The following CACNA1E variants were observed in gnomAD, a reference collection of about 807,000 sequenced individuals.
CACNA1E encodes voltage-dependent R-type calcium channel subunit alpha-1E.
In CACNA1E, 40 loss-of-function variants were observed where a neutral mutation model predicts 259.2. The observed-to-expected ratio is 0.15, with a 90% CI of 0.12 to 0.20. CACNA1E has a LOEUF of 0.20. Among genes scored for constraint, CACNA1E ranks in the 10% least tolerant of loss-of-function variants. The pLI is 1.00. For missense variants in CACNA1E, 1,874 were observed against 3,040.1 expected (o/e 0.62, Z 9.02); for synonymous variants, 1,104 against 1,138.5 (o/e 0.97, Z 0.61).
chr1:181,603,887 G>T (rs1382805628), intron 6 of CACNA1E, among the ~76,000 whole-genome samples: 1 of 152,196 alleles, frequency 6.6e-6, no homozygotes, highest in African/African-American at 2.4e-5. Flanking sequence ...GGTGTTGGGG[G>T]ATGGGGAGGC....
chr1:181,665,111 A>T (rs1648086064), intron 7 of CACNA1E, among the ~76,000 whole-genome samples: 1 of 152,060 alleles, frequency 6.6e-6, no homozygotes, highest in South Asian at 2.1e-4. Context: ...AACTTAGTAT[A>T]GGTAAATCTT....
At position 181,438,214 on chromosome 1, in the gene CACNA1E, G is replaced by A. The variant is rs146684762; in HGVS notation, c.434+24634G>A. Among the ~76,000 whole-genome samples the A allele has an allele frequency of 7.9e-5, 12 of 152,244 alleles. No individual in the cohort carries two copies. The South Asian group carries it at 1.9e-3, about 24-fold the overall frequency. ...ATATGTCTCAGAACATGATATGCAC[G>A]GCCACTTCCACCCACTGCTTTCACT... On this transcript the variant is annotated intron_variant, in intron 2 of 11. Coordinates refer to the CACNA1E transcript ENST00000524607.
intron 1 of CACNA1E, among the ~76,000 whole-genome samples, chr1:181,342,664 A>AGGGATGCATGGTTGGG (rs1652256649): frequency 1.3e-5 from 2 of 151,912 alleles, no homozygotes; most frequent in South Asian, 2.1e-4. Flanking sequence ...GCATGTTTGG[A>AGGGATGCATGGTTGGG]TGCTTTTAGG....
rs181221607 is a variant in CACNA1E, at chr1:181,614,190, C to T, written c.951+33414C>T. Among the ~76,000 whole-genome samples, 14 of 148,660 alleles carry T rather than the reference C, an allele frequency of 9.4e-5. No homozygotes were observed. The East Asian group carries it at 2.1e-3, about 23-fold the overall frequency. On this transcript the variant is annotated intron_variant, in intron 6 of 47. Transcript: ENST00000367573. ...GCTGACGTAGCTGCTACAACTACTT[C>T]GCAATTTTCTTTTCTTTTCTTTTTT...
intron 7 of CACNA1E, among the ~76,000 whole-genome samples, chr1:181,702,351 C>G (rs1652352831): frequency 1.3e-5 from 2 of 152,142 alleles, no homozygotes; most frequent in Non-Finnish European, 2.9e-5. Flanking sequence ...TACTTTACCA[C>G]TCTCGCCAAG....
intron 1 of CACNA1E, among the ~76,000 whole-genome samples, chr1:181,359,602 A>G (rs1252304224): frequency 6.6e-6 from 1 of 151,880 alleles, no homozygotes; most frequent in Non-Finnish European, 1.5e-5. Context: ...TAGTTCCGAT[A>G]CTCTATGGCT....
chr1:181,612,216 C>G (rs1421325323), intron 6 of CACNA1E, among the ~76,000 whole-genome samples: 1 of 152,212 alleles, frequency 6.6e-6, no homozygotes, highest in Non-Finnish European at 1.5e-5. Context: ...CGTCCAAGGG[C>G]TGGACTTTCA....
chr1:181,335,122 T>C (rs35947695), intron 1 of CACNA1E, among the ~76,000 whole-genome samples: 15,862 of 152,276 alleles, frequency 0.1, 1,112 homozygotes, highest in Middle Eastern at 0.19. Context: ...AATGTCACTG[T>C]ATCAGTGAGG....
intron 1 of CACNA1E, among the ~76,000 whole-genome samples, chr1:181,369,235 C>G (rs1057152318): frequency 6.6e-6 from 1 of 152,220 alleles, no homozygotes. Context: ...CTAATTGAAG[C>G]CTTGCTTTGT....
intron 43 of CACNA1E, among the ~76,000 whole-genome samples, chr1:181,787,312 G>A (rs551974565): frequency 3.5e-4 from 53 of 152,122 alleles, no homozygotes; most frequent in Middle Eastern, 6.8e-3. Context: ...GGGTTTCACC[G>A]TGTTAGCCAG....
intron 7 of CACNA1E, among the ~76,000 whole-genome samples, chr1:181,696,536 C>T (rs1448671150): frequency 6.6e-6 from 1 of 152,076 alleles, no homozygotes; most frequent in Non-Finnish European, 1.5e-5. Flanking sequence ...ACTAGTTTCC[C>T]AGGGAGGAGT....
chr1:181,493,670 C>G (rs1165771984), intron 1 of CACNA1E, among the ~76,000 whole-genome samples: 2 of 152,056 alleles, frequency 1.3e-5, no homozygotes, highest in Non-Finnish European at 2.9e-5. Context: ...CACATGTGGC[C>G]CTTAAGGACT....
rs984889564 is a variant in CACNA1E at position 181,802,208 on chromosome 1, G to C, written c.*3374G>C. ...ATGAGTCATGAACACAATTGTCAGT[G>C]GGGGTCTCTGCTGCTCTTCTGGCTG... On this transcript the variant is annotated 3_prime_UTR_variant, in exon 48 of 48. Coordinates refer to ENST00000367573, the MANE Select transcript of CACNA1E (RefSeq NM_001205293.3). The C allele has an allele frequency of 2.6e-5, 4 of 152,244 alleles. No homozygotes were observed. The highest frequency in any genetic ancestry group is 6.5e-5 in the Admixed American group (1 of 15,292). 9.4% of individuals were successfully genotyped at this position (152,244 alleles called of 1,614,324 possible).
rs1658664642 is a variant in CACNA1E at position 181,762,442 on chromosome 1, A to G, written c.4606-132A>G. On this transcript the variant is annotated intron_variant, in intron 32 of 47. Coordinates refer to ENST00000367573, the MANE Select transcript of CACNA1E (RefSeq NM_001205293.3). ...GAAATGGGAAACTGAAGCCAAAGTAAGAGTGAACTTATGCATTAATTGACA... is the reference window on the plus strand; with the variant it reads ...GAAATGGGAAACTGAAGCCAAAGTAGGAGTGAACTTATGCATTAATTGACA... 18 of 637,652 alleles carry G rather than the reference A, an allele frequency of 2.8e-5. No individual in the cohort carries two copies. The South Asian group carries it at 3.3e-4, about 12-fold the overall frequency. 39.5% of individuals were successfully genotyped at this position (637,652 alleles called of 1,614,324 possible).
At chr1:181,781,987 A>G (rs1277659444) in intron 39 of CACNA1E, among the ~76,000 whole-genome samples, 4 of 152,244 alleles carry the variant, frequency 2.6e-5, no homozygotes, top group Non-Finnish European at 5.9e-5. Context: ...GGAGAAAGGA[A>G]AATTCCTTTA....
At chr1:181,587,142 T>C (rs12133370) in intron 6 of CACNA1E, among the ~76,000 whole-genome samples, 2,572 of 152,288 alleles carry the variant, frequency 0.017, 35 homozygotes, top group Middle Eastern at 0.061. Flanking sequence ...TGTTGGAATC[T>C]TGTAGAAATT....
At chr1:181,476,545 G>T (rs1315086965) in intron 2 of CACNA1E, among the ~76,000 whole-genome samples, 2 of 152,192 alleles carry the variant, frequency 1.3e-5, no homozygotes, top group Non-Finnish European at 2.9e-5. Context: ...TGTAGGGAGT[G>T]GATCAAGACC....
intron 37 of CACNA1E, among the ~76,000 whole-genome samples, chr1:181,772,878 G>A (rs1659643620): frequency 1.3e-5 from 2 of 152,148 alleles, no homozygotes; most frequent in South Asian, 2.1e-4. Flanking sequence ...TAAAGTGGTG[G>A]GAAGCCCTAC....
intron 1 of CACNA1E, among the ~76,000 whole-genome samples, chr1:181,368,054 A>C (rs1270382738): frequency 6.6e-6 from 1 of 152,088 alleles, no homozygotes; most frequent in African/African-American, 2.4e-5. Context: ...AACATGGTGA[A>C]ACCCTATCTC....
Sources: gnomAD v4.1 joint callset for allele counts (sites outside exome capture counted in the v4.1 genomes callset) on GRCh38, gnomAD v4.1.1 for gene constraint, MANE v1.5 for transcripts, NCBI Gene and HGNC (gene_info 2026-07-23, HGNC 2026-07-21) for gene names.